Variants in PNPLA8 observed in about 807,000 individuals in gnomAD.
The protein encoded by PNPLA8 is patatin like domain 8, phospholipase A2, also known as calcium-independent phospholipase A2-gamma.
Under a neutral mutation model 76.9 loss-of-function variants are expected in PNPLA8, and 39 were observed. The ratio of observed to expected loss-of-function variants is 0.51; its 90% CI spans 0.39 to 0.66. The LOEUF (loss-of-function observed/expected upper bound fraction) is 0.66. PNPLA8 is among the 30% of genes least tolerant of loss of function. The pLI is 0.00. For synonymous variants in PNPLA8, 301 were observed against 307.9 expected (o/e 0.98, Z 0.24); for missense variants, 887 against 918.0 (o/e 0.97, Z 0.44).
chr7:108,520,034 C>A (rs1205153302), intron 2 of PNPLA8, among the ~76,000 whole-genome samples: 1 of 152,200 alleles, frequency 6.6e-6, no homozygotes, highest in Non-Finnish European at 1.5e-5. Context: ...CATTCACCAT[C>A]TTTCCTTCCC....
intron 9 of PNPLA8, among the ~76,000 whole-genome samples, chr7:108,485,554 T>C (rs1205344978): frequency 6.6e-6 from 1 of 152,114 alleles, no homozygotes; most frequent in Non-Finnish European, 1.5e-5. Context: ...TGGTAATAAT[T>C]GAATATAATT....
chr7:108,475,678 T>G (rs201837469), intron 10 of PNPLA8, among the ~76,000 whole-genome samples: 1 of 152,266 alleles, frequency 6.6e-6, no homozygotes, highest in East Asian at 1.9e-4. Flanking sequence ...AACTGCAAAT[T>G]TTGTTTCCAC....
At chr7:108,510,787 C>T in intron 4 of PNPLA8, 1 of 1,601,192 alleles carries the variant, frequency 6.2e-7, no homozygotes, top group South Asian at 1.1e-5. Flanking sequence ...GCATCATCTG[C>T]ATGGAGGATC....
chr7:108,500,428 T>C (rs1861851935), intron 5 of PNPLA8, among the ~76,000 whole-genome samples: 1 of 152,212 alleles, frequency 6.6e-6, no homozygotes, highest in African/African-American at 2.4e-5. Flanking sequence ...TTTTTCTCTC[T>C]TCAGTGGGCT....
At chr7:108,527,583 T>C (rs1303417984), upstream of PNPLA8, 2 of 152,124 alleles carry the variant, frequency 1.3e-5, no homozygotes, top group Non-Finnish European at 2.9e-5. Context: ...GGGAGAGAGA[T>C]TGGCCTCAAG....
intron 2 of PNPLA8, among the ~76,000 whole-genome samples, chr7:108,517,100 C>T (rs1299442337): frequency 6.6e-6 from 1 of 152,058 alleles, no homozygotes; most frequent in Non-Finnish European, 1.5e-5. Context: ...TGCCAAAGGC[C>T]GTAACAGACA....
intron 9 of PNPLA8, among the ~76,000 whole-genome samples, chr7:108,480,874 G>A (rs1314413310): frequency 2.6e-5 from 4 of 152,070 alleles, no homozygotes; most frequent in Admixed American, 1.3e-4. Context: ...ACTCTCTCAT[G>A]CTATGTCTTT....
chr7:108,515,758 GAGGT>G (rs1863293552), intron 2 of PNPLA8, among the ~76,000 whole-genome samples, 184 bp from the exon 3 acceptor site: 1 of 152,110 alleles, frequency 6.6e-6, no homozygotes, highest in African/African-American at 2.4e-5. Context: ...TTTCAGTATA[GAGGT>G]AAATAAAAAA....
intron 4 of PNPLA8, among the ~76,000 whole-genome samples, chr7:108,513,310 C>G (rs1184702832): frequency 6.6e-6 from 1 of 151,638 alleles, no homozygotes; most frequent in Non-Finnish European, 1.5e-5. Flanking sequence ...ATTATAGGAC[C>G]ATAAAATAGT....
intron 1 of PNPLA8, among the ~76,000 whole-genome samples, chr7:108,521,764 G>C (rs1449973357): frequency 6.6e-6 from 1 of 152,132 alleles, no homozygotes; most frequent in African/African-American, 2.4e-5. Context: ...GAGACAAACA[G>C]CAAGAACTAC....
At chr7:108,499,288 G>A (rs1246413448) in intron 5 of PNPLA8, among the ~76,000 whole-genome samples, 4 of 152,062 alleles carry the variant, frequency 2.6e-5, no homozygotes, top group East Asian at 3.8e-4. Flanking sequence ...CTAACTACTC[G>A]TATAATTGGG....
In PNPLA8 at chr7:108,487,868, T is replaced by G. The variant is rs199645692; in HGVS notation, c.1769A>C (p.Asn590Thr). The G allele has an allele frequency of 3.8e-5, 62 of 1,612,992 alleles. No homozygotes were observed. Among genetic ancestry groups the G allele is most frequent in the Non-Finnish European group, 8.5e-6 (10 of 1,179,262 alleles). ...CTGACAGCCTCCCAAATAATGAGAG[T>G]TGATTCCAGGAAAATGACCATAGTT... Reference protein sequence around the residue: ...FRNYGHFPGINSHYLGGCQYK... With the variant: ...FRNYGHFPGITSHYLGGCQYK... The change falls in exon 9 of 11, where the codon AAC becomes ACC. Residue 590 changes from asparagine to threonine, a missense_variant. Transcript: ENST00000257694.
chr7:108,510,616 G>C (rs113593199), intron 4 of PNPLA8: 8 of 1,560,662 alleles, frequency 5.1e-6, no homozygotes, highest in Non-Finnish European at 6.1e-6. Flanking sequence ...ACAAGGCTTC[G>C]ACTAACATGC....
intron 9 of PNPLA8, chr7:108,480,656 C>A: frequency 2.8e-6 from 1 of 356,310 alleles, no homozygotes; most frequent in South Asian, 2.1e-5. Flanking sequence ...TAGCCTTAAA[C>A]AGTTTTTGAC....
chr7:108,486,512 G>A (rs185879333), intron 9 of PNPLA8, among the ~76,000 whole-genome samples: 138 of 152,146 alleles, frequency 9.1e-4, no homozygotes, highest in Middle Eastern at 3.4e-3. Flanking sequence ...AGAAGGGGAA[G>A]TGCCTTAAAT....
upstream of PNPLA8, among the ~76,000 whole-genome samples, chr7:108,526,561 G>A (rs777754177): frequency 2.0e-5 from 3 of 152,242 alleles, no homozygotes; most frequent in African/African-American, 7.2e-5. Context: ...TGAAGCCCCT[G>A]CCTGCGCTGA....
At chr7:108,472,732 C>A in intron 10 of PNPLA8, 57 bp from the exon 11 acceptor site, 1 of 1,195,792 alleles carries the variant, frequency 8.4e-7, no homozygotes, top group South Asian at 1.8e-5. Flanking sequence ...ATAAAGTGAG[C>A]AATGAACTGT....
intron 4 of PNPLA8, among the ~76,000 whole-genome samples, chr7:108,512,612 A>T (rs1314446648): frequency 6.6e-6 from 1 of 152,196 alleles, no homozygotes; most frequent in Non-Finnish European, 1.5e-5. Flanking sequence ...AAATTCTATC[A>T]TTTTTAAAAA....
At chr7:108,502,734 T>A in intron 4 of PNPLA8, 92 bp from the exon 5 acceptor site, 1 of 821,454 alleles carries the variant, frequency 1.2e-6, no homozygotes, top group Non-Finnish European at 1.9e-6. Flanking sequence ...GTTCACCACA[T>A]GACAACCAAG....
Sources: allele counts gnomAD v4.1 joint callset (sites outside exome capture counted in the v4.1 genomes callset), GRCh38; gene constraint gnomAD v4.1.1; transcripts MANE v1.5; gene names NCBI Gene and HGNC (gene_info 2026-07-23, HGNC 2026-07-21).